Variants in LCORL observed in about 807,000 individuals in gnomAD.
LCORL encodes the protein ligand-dependent nuclear receptor corepressor-like protein.
In LCORL, 41 loss-of-function variants were observed where a neutral mutation model predicts 141.8. That is an observed-to-expected ratio of 0.29 (90% CI 0.23 to 0.38). The LOEUF (loss-of-function observed/expected upper bound fraction) is 0.38. Among genes scored for constraint, LCORL ranks in the 10% least tolerant of loss-of-function variants. LCORL has a pLI of 1.00. For missense variants in LCORL, 1,759 were observed against 2,035.0 expected (o/e 0.86, Z 2.61); for synonymous variants, 618 against 694.1 (o/e 0.89, Z 1.72).
chr4:17,861,940 T>C (rs569255099), intron 7 of LCORL, among the ~76,000 whole-genome samples: 168 of 152,340 alleles, frequency 1.1e-3, no homozygotes, highest in African/African-American at 3.9e-3. Flanking sequence ...CTTGACCTTA[T>C]TGTCCCTATT....
At chr4:17,931,550 C>CT (rs769488133) in intron 4 of LCORL, among the ~76,000 whole-genome samples, 3 of 151,906 alleles carry the variant, frequency 2.0e-5, no homozygotes, top group Non-Finnish European at 4.4e-5. Context: ...AATTCTGCAA[C>CT]TTTGCTTTCT....
chr4:17,978,180 T>C (rs1717338359), intron 1 of LCORL, among the ~76,000 whole-genome samples: 1 of 152,202 alleles, frequency 6.6e-6, no homozygotes, highest in Admixed American at 6.5e-5. Flanking sequence ...TTTGCATATC[T>C]AATACTTTTG....
intron 5 of LCORL, 47 bp downstream of exon 5, chr4:17,909,047 G>T: frequency 1.4e-6 from 2 of 1,451,986 alleles, no homozygotes; most frequent in South Asian, 1.4e-5. Flanking sequence ...TACATTTAAC[G>T]ATATAAAACA....
In LCORL at chr4:17,884,784, G is replaced by T; in HGVS notation, c.776+1284C>A. The T allele has an allele frequency of 8.2e-7, 1 of 1,224,372 alleles. No homozygotes were observed. The highest frequency in any genetic ancestry group is 1.1e-6 in the Non-Finnish European group (1 of 903,352). The allele number at this position is 1,224,372 out of a possible 1,614,324, so 75.8% of individuals were successfully genotyped here. On this transcript the variant is annotated intron_variant, in intron 6 of 7. Coordinates refer to ENST00000635767, the Ensembl canonical transcript of LCORL. This position sits in a 1 kb window ranked among gnomAD's most constrained non-coding sequence, Gnocchi z 4.4. ...GGATGGAATGAAACGATGGTAAACT[G>T]ATGCATGAGAGACTCTCACACAGCT...
At chr4:17,844,409 C>T (rs1722725073) in exon 8 of LCORL, 1 of 152,334 alleles carries the variant, frequency 6.6e-6, no homozygotes, top group Admixed American at 6.6e-5. Flanking sequence ...TTATCATCTA[C>T]TAGAGGCCAT....
Position 17,996,710 on chromosome 4 carries a change from C to T in LCORL, c.155-23825G>A, listed in dbSNP as rs564937846. On this transcript the variant is annotated intron_variant, in intron 1 of 7. Coordinates refer to ENST00000635767, the Ensembl canonical transcript of LCORL. ...AATTGAAAAAAAAAGTTTTATAATT[C>T]CAAACAGTAAGCTTGATACATTAAA... Among the ~76,000 whole-genome samples the T allele has an allele frequency of 3.1e-4, 47 of 152,032 alleles. No individual in the cohort carries two copies. The East Asian group carries it at 8.3e-3, about 27-fold the overall frequency.
intron 4 of LCORL, among the ~76,000 whole-genome samples, chr4:17,939,879 T>A (rs1040219631): frequency 1.4e-5 from 2 of 147,806 alleles, no homozygotes; most frequent in Non-Finnish European, 3.0e-5. Flanking sequence ...TAGGTACATG[T>A]ACACACACAC....
intron 7 of LCORL, among the ~76,000 whole-genome samples, chr4:17,850,949 TA>T (rs1560249308): frequency 6.7e-6 from 1 of 149,598 alleles, no homozygotes. Context: ...TATGCAGCCA[TA>T]AAAAATGATG....
intron 5 of LCORL, among the ~76,000 whole-genome samples, chr4:17,901,442 G>A (rs1464859278): frequency 2.0e-5 from 3 of 151,110 alleles, no homozygotes; most frequent in Non-Finnish European, 2.9e-5. Flanking sequence ...CTTATTTAAG[G>A]AATGTCTGAT....
chr4:17,901,889 T>C (rs1007287093), intron 5 of LCORL, among the ~76,000 whole-genome samples: 1 of 152,182 alleles, frequency 6.6e-6, no homozygotes, highest in Middle Eastern at 3.4e-3. Flanking sequence ...AAAAATACTG[T>C]AAGAACCCCA....
At chr4:17,995,142 GGCTTT>G (rs1281572302) in intron 1 of LCORL, among the ~76,000 whole-genome samples, 1 of 150,778 alleles carries the variant, frequency 6.6e-6, no homozygotes, top group African/African-American at 2.4e-5. Context: ...TTTTTTGTCT[GGCTTT>G]GTTTAGTGCT....
intron 1 of LCORL, among the ~76,000 whole-genome samples, chr4:17,975,478 C>G (rs536390469): frequency 6.6e-6 from 1 of 151,974 alleles, no homozygotes; most frequent in African/African-American, 2.4e-5. Flanking sequence ...TCATTGCAAC[C>G]TCCACCTCCT....
exon 7 of LCORL, chr4:17,874,679 C>A: frequency 1.6e-6 from 2 of 1,233,778 alleles, no homozygotes; most frequent in Non-Finnish European, 2.0e-6. Context: ...TGTTTAATTC[C>A]TCTAATAAGG....
intron 4 of LCORL, among the ~76,000 whole-genome samples, chr4:17,917,542 CAA>C (rs1454762073): frequency 2.0e-5 from 3 of 152,194 alleles, no homozygotes; most frequent in Non-Finnish European, 4.4e-5. Flanking sequence ...GACTGTTAAA[CAA>C]AGAGACAGCA....
At chr4:17,873,293 T>C (rs1194496092) in intron 7 of LCORL, 95 bp downstream of exon 7, 6 of 806,786 alleles carry the variant, frequency 7.4e-6, no homozygotes, top group Non-Finnish European at 8.3e-6. Context: ...TTTTGGAAAC[T>C]AATTAAAACT....
Position 17,945,808 on chromosome 4 carries a change from T to C in LCORL, c.430+16095A>G, listed in dbSNP as rs151014153. On this transcript the variant is annotated intron_variant, in intron 4 of 7. Transcript: ENST00000635767. Reference sequence around the variant, plus strand: ...TGTATTTATGCTTTGACAACGTATATGTTAAAAAAAAAAACTAGGCAAAAT... The same window carrying C: ...TGTATTTATGCTTTGACAACGTATACGTTAAAAAAAAAAACTAGGCAAAAT... Among the ~76,000 whole-genome samples, 11 of 151,674 alleles carry C rather than the reference T, an allele frequency of 7.3e-5. No homozygotes were observed. In the South Asian group the frequency reaches 1.7e-3, roughly 23 times the overall value.
chr4:17,933,435 A>G (rs1577463681), intron 4 of LCORL, among the ~76,000 whole-genome samples: 1 of 152,068 alleles, frequency 6.6e-6, no homozygotes, highest in Non-Finnish European at 1.5e-5. Flanking sequence ...CAAAGACTCT[A>G]TATTTTCAGT....
intron 5 of LCORL, among the ~76,000 whole-genome samples, chr4:17,889,331 T>G (rs1001145458): frequency 2.0e-5 from 3 of 152,064 alleles, no homozygotes; most frequent in Non-Finnish European, 4.4e-5. Context: ...TCTCCACATC[T>G]AGGCTATGTT....
chr4:17,892,679 CA>C (rs1315035149), intron 5 of LCORL, among the ~76,000 whole-genome samples: 5 of 152,096 alleles, frequency 3.3e-5, no homozygotes, highest in African/African-American at 9.7e-5. Context: ...TTTATAATAG[CA>C]AATTTAGGAA....
Sources: gnomAD v4.1 joint callset for allele counts (sites outside exome capture counted in the v4.1 genomes callset) on GRCh38, gnomAD v4.1.1 for gene constraint, Gnocchi (gnomAD v3.1) non-coding constraint, MANE v1.5 for transcripts, NCBI Gene and HGNC (gene_info 2026-07-23, HGNC 2026-07-21) for gene names.